The following FBRS variants were observed in gnomAD, a reference collection of about 807,000 sequenced individuals.
The protein encoded by FBRS is probable fibrosin-1.
A neutral mutation model predicts 86.1 loss-of-function variants in FBRS; 15 were observed. The ratio of observed to expected loss-of-function variants is 0.17; its 90% CI spans 0.12 to 0.27. FBRS has a LOEUF of 0.27. Among genes scored for constraint, FBRS ranks in the 10% least tolerant of loss-of-function variants. The pLI is 1.00. For missense variants in FBRS, 1,367 were observed against 1,301.6 expected, an observed-to-expected ratio of 1.05 and a Z score of -0.77; for synonymous variants, 666 against 575.8, an observed-to-expected ratio of 1.16 and a Z score of -2.24.
At chr16:30,661,830 C>T (rs1388086813) in intron 4 of FBRS, 2 of 186,526 alleles carry the variant, frequency 1.1e-5, no homozygotes, top group South Asian at 9.7e-5. Flanking sequence ...ATGCGCTACC[C>T]ATTGGGCCCA....
chr16:30,669,748 T>C lies in FBRS; in HGVS notation c.*103T>C. On this transcript the variant is annotated 3_prime_UTR_variant, in exon 18 of 18. Transcript: ENST00000356166. The surrounding 1 kb of genome is among the most constrained non-coding windows in gnomAD (Gnocchi z 5.9). ...GGGCTGGAGGGCAAAGGTCATAACCTCACCAGCCACCTCTGAGGTCATGGA... is the reference window on the plus strand; with the variant it reads ...GGGCTGGAGGGCAAAGGTCATAACCCCACCAGCCACCTCTGAGGTCATGGA... 2 of 1,376,902 alleles carry C rather than the reference T, an allele frequency of 1.5e-6. No homozygotes were observed. The highest frequency in any genetic ancestry group is 1.5e-5 in the African/African-American group (1 of 68,474). 85.3% of individuals were successfully genotyped at this position (1,376,902 alleles called of 1,614,324 possible).
intron 6 of FBRS, 42 bp downstream of exon 6, chr16:30,662,901 G>T: frequency 7.1e-7 from 1 of 1,406,998 alleles, no homozygotes; most frequent in Non-Finnish European, 9.3e-7. Context: ...GAAGGGCCTG[G>T]TCAGTTTGGT....
Position 30,668,761 on chromosome 16 carries a change from C to T in FBRS, c.2159-11C>T, listed in dbSNP as rs1163657311. 1.1e-5 allele frequency: 17 copies of T among 1,598,802 alleles called. No homozygotes were observed. The highest frequency in any genetic ancestry group is 1.4e-5 in the Non-Finnish European group (17 of 1,176,254). ...TGGCCCCTGTCACTCTCTGCTTCAC[C>T]CTCTGCCCAGACTCCGGCGCCGTCT... On this transcript the variant is annotated splice_polypyrimidine_tract_variant and intron_variant, in intron 16 of 17. Transcript: ENST00000356166.
At position 30,664,247 on chromosome 16, in the gene FBRS, C is replaced by T. The variant is rs1181953042; in HGVS notation, c.1088C>T (p.Pro363Leu). The T allele has an allele frequency of 4.7e-6, 7 of 1,474,024 alleles. No individual in the cohort carries two copies. Among genetic ancestry groups the T allele is most frequent in the Non-Finnish European group, 5.5e-6 (6 of 1,100,332 alleles). 91.3% of individuals were successfully genotyped at this position (1,474,024 alleles called of 1,614,324 possible). A position where few individuals can be genotyped will look rare whatever the true frequency, so the allele number is the denominator to read the frequency against. The change falls in exon 7 of 18, where the codon CCT becomes CTT. Residue 363 changes from proline to leucine, a missense_variant. By Grantham distance (98) the Pro-to-Leu change is moderately conservative. Coordinates refer to ENST00000356166, the MANE Select transcript of FBRS (RefSeq NM_001105079.3). ...SSRPPPKAPA[P>L]PVAQPPPSSS... ...CGGCCGCCCCCCAAGGCCCCGGCCC[C>T]TCCCGTGGCTCAGCCTCCCCCCTCA...
chr16:30,669,246 A>T lies in FBRS; in HGVS notation c.2544A>T (p.Ala848=). The T allele has an allele frequency of 2.6e-6, 4 of 1,554,272 alleles. No individual in the cohort carries two copies. The highest frequency in any genetic ancestry group is 3.5e-6 in the Non-Finnish European group (4 of 1,149,340). ...CCGCCGCCGCTGCCGCCGCCGCAGC[A>T]GCCACTGGGCCCCAGGGCCTTCACC... is the stretch of plus-strand genomic sequence containing the variant. ...AAAAAAAAAA[A]ATGPQGLHLL... The change falls in exon 18 of 18, where the codon GCA becomes GCT. Residue 848 remains alanine, a synonymous_variant. Coordinates refer to ENST00000356166, the MANE Select transcript of FBRS (RefSeq NM_001105079.3). The surrounding 1 kb of genome is among the most constrained non-coding windows in gnomAD (Gnocchi z 5.9).
In FBRS at chr16:30,667,592, G is replaced by A. The variant is rs971482438; in HGVS notation, c.2044G>A (p.Gly682Arg). The change falls in exon 15 of 18, where the codon GGA (glycine) becomes AGA (arginine). Residue 682 changes from glycine (G) to arginine (R), a missense_variant. By Grantham distance (125) the Gly-to-Arg change is moderately radical. Around this residue, in one of 3 missense-constraint regions of FBRS, gnomAD observed 659 missense variants for 678.8 expected, o/e 0.97. Coordinates refer to ENST00000356166, the MANE Select transcript of FBRS (RefSeq NM_001105079.3). ...NPFTAAPGAH[G>R]PFLSPSTHID... ...TTTCACGGCAGCTCCCGGGGCCCAC[G>A]GACCCTTCCTGAGCCCCAGCACCCA... is the stretch of plus-strand genomic sequence containing the variant. 1.1e-5 allele frequency: 17 copies of A among 1,540,516 alleles called. No individual in the cohort carries two copies. Among genetic ancestry groups the A allele is most frequent in the African/African-American group, 2.8e-5 (2 of 72,586 alleles).
chr16:30,664,085 T>G, intron 6 of FBRS, 130 bp from the exon 7 acceptor site: 1 of 1,128,780 alleles, frequency 8.9e-7, no homozygotes, highest in Non-Finnish European at 1.1e-6. Context: ...TGGGGGGCGG[T>G]CCTGGGGCTG....
At position 30,665,633 on chromosome 16, in the gene FBRS, C is replaced by T; in HGVS notation, c.1705-5C>T. 6.3e-7 allele frequency: 1 copy of T among 1,584,042 alleles called. No homozygotes were observed. The highest frequency in any genetic ancestry group is 8.6e-7 in the Non-Finnish European group (1 of 1,165,342). On this transcript the variant is annotated splice_polypyrimidine_tract_variant and splice_region_variant and intron_variant, in intron 10 of 17. Coordinates refer to ENST00000356166, the MANE Select transcript of FBRS (RefSeq NM_001105079.3). This position sits in a 1 kb window ranked among gnomAD's most constrained non-coding sequence, Gnocchi z 4.1. ...CTGTCTGATCCCTCCACTCCCCTTTCCCAGAGCACGAACCCTGAGCTGCCA... is the reference window on the plus strand; with the variant it reads ...CTGTCTGATCCCTCCACTCCCCTTTTCCAGAGCACGAACCCTGAGCTGCCA...
rs1236022047 is a variant in FBRS, at chr16:30,659,769, C to T, written c.251C>T (p.Pro84Leu). The T allele has an allele frequency of 1.4e-6, 2 of 1,455,598 alleles. No individual in the cohort carries two copies. The highest frequency in any genetic ancestry group is 1.4e-5 in the African/African-American group (1 of 69,434). 90.2% of individuals were successfully genotyped at this position (1,455,598 alleles called of 1,614,324 possible). A position where few individuals can be genotyped will look rare whatever the true frequency, so the allele number is the denominator to read the frequency against. ...CCTGGGGGCCCGAGACGCCGGCGGCCCCGTCCGAGACCTCGACCCCCGCGA... is the reference window on the plus strand; with the variant it reads ...CCTGGGGGCCCGAGACGCCGGCGGCTCCGTCCGAGACCTCGACCCCCGCGA... ...ERPGGPRRRRPRPRPRPPRPR... is the reference protein window; with the variant it reads ...ERPGGPRRRRLRPRPRPPRPR... Residue 84 changes from proline (P) to leucine (L), a missense_variant, in exon 1 of 18, where the codon CCC becomes CTC. Transcript: ENST00000356166.
At chr16:30,663,290 A>G (rs539262125) in intron 6 of FBRS, among the ~76,000 whole-genome samples, 1 of 152,300 alleles carries the variant, frequency 6.6e-6, no homozygotes, top group African/African-American at 2.4e-5. Context: ...AAATGGAATG[A>G]TCATAGTACT....
chr16:30,660,167 C>T, intron 1 of FBRS, 96 bp from the exon 2 acceptor site: 1 of 1,410,642 alleles, frequency 7.1e-7, no homozygotes, highest in South Asian at 1.6e-5. Flanking sequence ...GACCCGGTTT[C>T]CCGGCCCGAG....
Position 30,659,966 on chromosome 16 carries a change from G to A in FBRS, c.448G>A (p.Glu150Lys). ...CGCCATCGCCAGCTTCGCCACCCTC[G>A]AGGCCTTGCAGGTGGGGCCTAATGG... ...GFAIASFATL[E>K]ALQKDASLQP... Residue 150 changes from glutamate to lysine, a missense_variant, in exon 1 of 18, where the codon GAG (glutamate) becomes AAG (lysine). Glu to Lys is a moderately conservative substitution (Grantham distance 56). Transcript: ENST00000356166. 1 of 1,550,076 alleles carries A rather than the reference G, an allele frequency of 6.5e-7. No individual in the cohort carries two copies. Among genetic ancestry groups the A allele is most frequent in the East Asian group, 2.4e-5 (1 of 40,834 alleles).
chr16:30,665,513 G>A lies in FBRS; in HGVS notation c.1704+112G>A. 2 of 1,415,506 alleles carry A rather than the reference G, an allele frequency of 1.4e-6. No homozygotes were observed. Among genetic ancestry groups the A allele is most frequent in the Non-Finnish European group, 2.0e-6 (2 of 1,023,530 alleles). The allele number at this position is 1,415,506 out of a possible 1,614,324, so 87.7% of individuals were successfully genotyped here. A position where few individuals can be genotyped will look rare whatever the true frequency, so the allele number is the denominator to read the frequency against. ...AAAGTCGTGCCCATCCTCCTGCCCT[G>A]CCCTGCTGCACCCAGTTTTCTCCAA... On this transcript the variant is annotated intron_variant, in intron 10 of 17. Transcript: ENST00000356166. This position sits in a 1 kb window ranked among gnomAD's most constrained non-coding sequence, Gnocchi z 4.1.
chr16:30,665,039 A>G lies in FBRS; in HGVS notation c.1568A>G (p.Glu523Gly). 1 of 1,613,580 alleles carries G rather than the reference A, an allele frequency of 6.2e-7. No homozygotes were observed. The highest frequency in any genetic ancestry group is 8.5e-7 in the Non-Finnish European group (1 of 1,179,738). ...CTCTTCCCTTCTCTTCCCTAGTTTG[A>G]GAAATATCCAGGAAAGATGGAAGGC... ...LLPPHGPHMF[E>G]KYPGKMEGLF... Residue 523 changes from glutamate (E) to glycine (G), a missense_variant, in exon 9 of 18, where the codon GAG (glutamate) becomes GGG (glycine). Around this residue, in one of 3 missense-constraint regions of FBRS, gnomAD observed 659 missense variants for 678.8 expected, o/e 0.97. Transcript: ENST00000356166. The surrounding 1 kb of genome is among the most constrained non-coding windows in gnomAD (Gnocchi z 4.1).
intron 12 of FBRS, 149 bp from the exon 13 acceptor site, chr16:30,666,770 T>C (rs1384110264): frequency 2.7e-6 from 3 of 1,100,504 alleles, no homozygotes; most frequent in African/African-American, 1.6e-5. Flanking sequence ...TTTCCTAGGC[T>C]GTAAAATGAA....
Position 30,658,905 on chromosome 16 carries a change from G to C in FBRS, c.-614G>C, listed in dbSNP as rs1019775642. 4 of 152,162 alleles carry C rather than the reference G, an allele frequency of 2.6e-5. No individual in the cohort carries two copies. Among genetic ancestry groups the C allele is most frequent in the African/African-American group, 9.7e-5 (4 of 41,412 alleles). The allele number at this position is 152,162 out of a possible 1,614,324, so 9.4% of individuals were successfully genotyped here. ...TGGGGCGAGTGGGGTTTTTCTTTAC[G>C]TCCTCCTCCCCCACACACAAGAAGT... On this transcript the variant is annotated 5_prime_UTR_variant, in exon 1 of 18. Transcript: ENST00000356166.
chr16:30,666,723 G>C (rs1255002694), intron 12 of FBRS, among the ~76,000 whole-genome samples, 182 bp downstream of exon 12: 2 of 152,192 alleles, frequency 1.3e-5, no homozygotes, highest in Non-Finnish European at 2.9e-5. Flanking sequence ...CTGGCCATGG[G>C]ACCTTGGGCA....
chr16:30,660,447 G>A lies in FBRS; in HGVS notation c.639+5G>A. On this transcript the variant is annotated splice_donor_5th_base_variant and intron_variant, in intron 2 of 17. Coordinates refer to ENST00000356166, the MANE Select transcript of FBRS (RefSeq NM_001105079.3). ...AATAAGCGGAGAAGAAAAGAGGTGA[G>A]GTTGTCCCTTAAAACTCTTTAGGCA... The A allele has an allele frequency of 7.9e-7, 1 of 1,257,964 alleles. No homozygotes were observed. Among genetic ancestry groups the A allele is most frequent in the Non-Finnish European group, 1.0e-6 (1 of 992,406 alleles). 77.9% of individuals were successfully genotyped at this position (1,257,964 alleles called of 1,614,324 possible).
intron 4 of FBRS, among the ~76,000 whole-genome samples, chr16:30,661,821 T>C (rs1455727058): frequency 2.0e-5 from 3 of 152,200 alleles, no homozygotes; most frequent in African/African-American, 7.2e-5. Context: ...TAGAAGTTAA[T>C]GCGCTACCCA....
Sources: allele counts gnomAD v4.1 joint callset (sites outside exome capture counted in the v4.1 genomes callset), GRCh38; gene constraint gnomAD v4.1.1; regional missense constraint gnomAD v4.1.1; non-coding constraint Gnocchi (gnomAD v3.1); transcripts MANE v1.5; gene names NCBI Gene and HGNC (gene_info 2026-07-23, HGNC 2026-07-21).